PDIA5: variants seen among roughly 807,000 people sequenced by gnomAD.
PDIA5 encodes the protein protein disulfide isomerase family A member 5.
PDIA5 carries 58 observed loss-of-function variants against 77.6 expected under a neutral mutation model. That is an observed-to-expected ratio of 0.75 (90% CI 0.61 to 0.93). The LOEUF (loss-of-function observed/expected upper bound fraction) is 0.93. PDIA5 is among the 40% of genes least tolerant of loss of function. The pLI, the probability that PDIA5 is intolerant of heterozygous loss-of-function variation, is 0.00. For synonymous variants in PDIA5, 250 were observed against 252.1 expected, an observed-to-expected ratio of 0.99 and a Z score of 0.08; for missense variants, 630 against 647.7, an observed-to-expected ratio of 0.97 and a Z score of 0.30.
At chr3:123,087,185 T>C (rs575925821) in intron 1 of PDIA5, among the ~76,000 whole-genome samples, 2 of 152,274 alleles carry the variant, frequency 1.3e-5, no homozygotes, top group Admixed American at 1.3e-4. Context: ...TTATTTTAAT[T>C]TATTTGCTTT....
At chr3:123,139,648 G>T (rs1466410247) in intron 11 of PDIA5, among the ~76,000 whole-genome samples, 1 of 152,158 alleles carries the variant, frequency 6.6e-6, no homozygotes, top group Non-Finnish European at 1.5e-5. Context: ...GAGGGGATGT[G>T]CATAGTAACT....
chr3:123,150,620 C>T (rs1935870985), intron 14 of PDIA5, among the ~76,000 whole-genome samples: 1 of 152,114 alleles, frequency 6.6e-6, no homozygotes, highest in Non-Finnish European at 1.5e-5. Context: ...AGCCCTCTGC[C>T]TCTGTGCTCG....
At chr3:123,133,777 C>A (rs982914630) in intron 11 of PDIA5, among the ~76,000 whole-genome samples, 2 of 152,124 alleles carry the variant, frequency 1.3e-5, no homozygotes, top group Non-Finnish European at 2.9e-5. Context: ...TTTTGAAGTA[C>A]CCCAACAAAC....
At chr3:123,141,382 G>A (rs973074506) in intron 11 of PDIA5, among the ~76,000 whole-genome samples, 2 of 152,180 alleles carry the variant, frequency 1.3e-5, no homozygotes, top group African/African-American at 2.4e-5. Context: ...GCCTCCCAGT[G>A]TGTCCTCCAC....
intron 15 of PDIA5, among the ~76,000 whole-genome samples, chr3:123,155,960 G>A (rs974635047): frequency 1.3e-5 from 2 of 152,012 alleles, no homozygotes; most frequent in South Asian, 2.1e-4. Flanking sequence ...AAGTTCAGCC[G>A]AGGCAGGAAA....
At chr3:123,147,520 A>T (rs1935798025) in intron 13 of PDIA5, among the ~76,000 whole-genome samples, 1 of 151,976 alleles carries the variant, frequency 6.6e-6, no homozygotes, top group Non-Finnish European at 1.5e-5. Flanking sequence ...TGTGAATGGG[A>T]CCCTCAGCCA....
At position 123,146,130 on chromosome 3, in the gene PDIA5, CT is replaced by C; in HGVS notation, c.1014del (p.Val339SerfsTer17). 2.5e-6 allele frequency: 4 copies of C among 1,614,190 alleles called. No homozygotes were observed. The highest frequency in any genetic ancestry group is 3.4e-6 in the Non-Finnish European group (4 of 1,179,996). ...SSGVLAAVDA[T>X]VNKALAERFH... ...GGTGTCCTTGCAGCTGTCGATGCCA[CT>C]GTCAACAAGGCCCTGGCAGAAAGAT... On this transcript the variant is annotated frameshift_variant, in exon 13 of 17. Transcript: ENST00000316218. LOFTEE classifies it high-confidence loss of function.
intron 7 of PDIA5, among the ~76,000 whole-genome samples, chr3:123,113,139 T>C (rs1576448434): frequency 6.6e-6 from 1 of 152,338 alleles, no homozygotes; most frequent in Non-Finnish European, 1.5e-5. Context: ...ACACAGCCCC[T>C]AGAGGATGGG....
At chr3:123,110,650 CCT>C (rs990239956) in intron 6 of PDIA5, among the ~76,000 whole-genome samples, 12 of 152,168 alleles carry the variant, frequency 7.9e-5, no homozygotes, top group African/African-American at 1.9e-4. Flanking sequence ...CTCACGACTC[CCT>C]CTCACCAGGC....
At chr3:123,109,779 A>G (rs1490611537) in intron 6 of PDIA5, among the ~76,000 whole-genome samples, 1 of 152,132 alleles carries the variant, frequency 6.6e-6, no homozygotes, top group African/African-American at 2.4e-5. Context: ...GATAATGTGT[A>G]TATGATGTTT....
At chr3:123,080,645 T>A (rs1453539117) in intron 1 of PDIA5, among the ~76,000 whole-genome samples, 1 of 152,216 alleles carries the variant, frequency 6.6e-6, no homozygotes, top group African/African-American at 2.4e-5. Context: ...ATAACATATC[T>A]AAAGTTAATG....
At position 123,115,927 on chromosome 3, in the gene PDIA5, T is replaced by C. The variant is rs923885976; in HGVS notation, c.542-304T>C. On this transcript the variant is annotated intron_variant, in intron 7 of 16. Transcript: ENST00000316218. ...TTCTGAATCTCTGTTGAATTCATTA[T>C]CAGTGCTGAAGTATTCTGGGCTCTG... 2.0e-5 allele frequency among the ~76,000 whole-genome samples: 3 copies of C among 152,264 alleles called. No homozygotes were observed. The South Asian group carries it at 6.2e-4, about 32-fold the overall frequency.
chr3:123,131,143 A>G (rs1935361445), intron 11 of PDIA5, among the ~76,000 whole-genome samples: 1 of 152,154 alleles, frequency 6.6e-6, no homozygotes, highest in Admixed American at 6.5e-5. Flanking sequence ...TGTGGTGCAC[A>G]CTTGTAGTCC....
At chr3:123,133,987 CCTTTT>C (rs745415225) in intron 11 of PDIA5, among the ~76,000 whole-genome samples, 8 of 145,036 alleles carry the variant, frequency 5.5e-5, no homozygotes, top group South Asian at 2.2e-4. Flanking sequence ...CTTTTCTTTT[CCTTTT>C]CTTTTCTTTT....
intron 13 of PDIA5, 93 bp downstream of exon 13, chr3:123,146,352 G>A (rs1347481088): frequency 1.0e-5 from 11 of 1,078,228 alleles, no homozygotes; most frequent in African/African-American, 3.1e-5. Context: ...TATGGTCAAT[G>A]TCCTGGGCTC....
At chr3:123,101,867 C>T (rs578130753) in intron 3 of PDIA5, among the ~76,000 whole-genome samples, 6 of 148,856 alleles carry the variant, frequency 4.0e-5, no homozygotes, top group Non-Finnish European at 7.4e-5. Context: ...GACACACATG[C>T]TCCTGTCTGC....
intron 15 of PDIA5, 60 bp from the exon 16 acceptor site, chr3:123,161,261 T>G: frequency 6.4e-7 from 1 of 1,558,700 alleles, no homozygotes; most frequent in South Asian, 1.2e-5. Context: ...ATCTGTGTTG[T>G]GGGGTCCAGG....
At chr3:123,126,562 C>G (rs774517442) in intron 10 of PDIA5, among the ~76,000 whole-genome samples, 1 of 152,188 alleles carries the variant, frequency 6.6e-6, no homozygotes, top group Non-Finnish European at 1.5e-5. Flanking sequence ...TTATTATTTC[C>G]CCTACATAGA....
At chr3:123,077,969 C>G (rs954202950) in intron 1 of PDIA5, among the ~76,000 whole-genome samples, 1 of 151,890 alleles carries the variant, frequency 6.6e-6, no homozygotes, top group Non-Finnish European at 1.5e-5. Flanking sequence ...GCCACCATGC[C>G]CAGCTAATTT....
Sources: gnomAD v4.1 joint callset for allele counts (sites outside exome capture counted in the v4.1 genomes callset) on GRCh38, gnomAD v4.1.1 for gene constraint, MANE v1.5 for transcripts, NCBI Gene and HGNC (gene_info 2026-07-23, HGNC 2026-07-21) for gene names.